The following CCDC192 variants were observed in gnomAD, a reference collection of about 807,000 sequenced individuals.
CCDC192 encodes the protein coiled-coil domain containing 192, also known as coiled-coil domain-containing protein 192.
intron 6 of CCDC192, among the ~76,000 whole-genome samples, chr5:127,883,379 G>C (rs574676880): frequency 6.6e-6 from 1 of 152,308 alleles, no homozygotes; most frequent in Admixed American, 6.5e-5. Context: ...GAGAGCATAG[G>C]AGTGATCAGT....
chr5:127,792,407 G>A (rs1007293097), intron 3 of CCDC192, among the ~76,000 whole-genome samples: 4 of 151,956 alleles, frequency 2.6e-5, no homozygotes, highest in Admixed American at 1.3e-4. Flanking sequence ...CAGTGTAGGG[G>A]TAACCATCCC....
chr5:127,932,268 G>A (rs566603778), intron 6 of CCDC192, among the ~76,000 whole-genome samples: 2 of 151,730 alleles, frequency 1.3e-5, no homozygotes, highest in Admixed American at 6.6e-5. Flanking sequence ...GCAATGGCAC[G>A]ATCTTGGCTC....
At chr5:127,880,320 G>A (rs1232070708) in intron 6 of CCDC192, among the ~76,000 whole-genome samples, 1 of 151,880 alleles carries the variant, frequency 6.6e-6, no homozygotes, top group East Asian at 1.9e-4. Context: ...GATGAAATTG[G>A]AAACCATCAT....
chr5:127,817,932 T>TA (rs1749104499), intron 5 of CCDC192, among the ~76,000 whole-genome samples: 1 of 152,214 alleles, frequency 6.6e-6, no homozygotes, highest in Non-Finnish European at 1.5e-5. Flanking sequence ...GTAAATCTCC[T>TA]AAGCTATGAC....
At chr5:127,767,311 G>C (rs973270151) in intron 3 of CCDC192, among the ~76,000 whole-genome samples, 1 of 152,136 alleles carries the variant, frequency 6.6e-6, no homozygotes, top group African/African-American at 2.4e-5. Context: ...AGATATATAG[G>C]GTTCCCAGAT....
At chr5:127,740,564 T>C (rs1753351293) in intron 2 of CCDC192, among the ~76,000 whole-genome samples, 1 of 152,162 alleles carries the variant, frequency 6.6e-6, no homozygotes, top group Admixed American at 6.5e-5. Context: ...GAAATAGCAT[T>C]GTTGGAATAT....
chr5:127,856,270 C>A (rs1263332804), intron 5 of CCDC192, among the ~76,000 whole-genome samples: 1 of 152,208 alleles, frequency 6.6e-6, no homozygotes, highest in African/African-American at 2.4e-5. Flanking sequence ...TTCCTTAAAC[C>A]TCGTGTATTA....
Position 127,817,835 on chromosome 5 carries a change from A to G in CCDC192, c.411+19673A>G, listed in dbSNP as rs1038403760. On this transcript the variant is annotated intron_variant, in intron 5 of 6. Coordinates refer to ENST00000514853, the MANE Select transcript of CCDC192 (RefSeq NM_001317938.2). ...CAAAGAATCTAAATGCATATCTAGG[A>G]TGAGGGCTGGAAACATGTATTTTTA... 5.3e-5 allele frequency among the ~76,000 whole-genome samples: 8 copies of G among 152,288 alleles called. No homozygotes were observed. The East Asian group carries it at 1.5e-3, about 29-fold the overall frequency.
intron 5 of CCDC192, among the ~76,000 whole-genome samples, chr5:127,831,778 C>G (rs907873404): frequency 1.4e-4 from 22 of 152,078 alleles, no homozygotes; most frequent in Non-Finnish European, 2.2e-4. Flanking sequence ...TCCTGATTAA[C>G]ATATGATCTT....
At chr5:127,845,868 T>A (rs1376070347) in intron 5 of CCDC192, among the ~76,000 whole-genome samples, 1 of 152,238 alleles carries the variant, frequency 6.6e-6, no homozygotes, top group East Asian at 1.9e-4. Context: ...CATAAATTTG[T>A]CCTGAAATTA....
intron 5 of CCDC192, among the ~76,000 whole-genome samples, chr5:127,805,649 A>G (rs1757742207): frequency 6.6e-6 from 1 of 152,196 alleles, no homozygotes; most frequent in Non-Finnish European, 1.5e-5. Context: ...ATTAATCTAA[A>G]TGGAACATTC....
intron 2 of CCDC192, among the ~76,000 whole-genome samples, chr5:127,720,118 C>T (rs2126797212): frequency 6.6e-6 from 1 of 152,166 alleles, no homozygotes; most frequent in East Asian, 1.9e-4. Context: ...AGCATTAACT[C>T]AAAAGTCTAC....
At chr5:127,772,510 C>G (rs1006660742) in intron 3 of CCDC192, among the ~76,000 whole-genome samples, 3 of 151,714 alleles carry the variant, frequency 2.0e-5, no homozygotes, top group Non-Finnish European at 4.4e-5. Context: ...GCTCTACCCT[C>G]CTTTGCTCCA....
At chr5:127,930,550 G>A (rs1753999997) in intron 6 of CCDC192, among the ~76,000 whole-genome samples, 1 of 152,216 alleles carries the variant, frequency 6.6e-6, no homozygotes, top group Non-Finnish European at 1.5e-5. Flanking sequence ...GGAAGTAAGA[G>A]AGATTCCAGA....
intron 5 of CCDC192, among the ~76,000 whole-genome samples, chr5:127,828,066 C>T (rs1214863210): frequency 6.6e-6 from 1 of 152,204 alleles, no homozygotes; most frequent in South Asian, 2.1e-4. Flanking sequence ...GCCACCATGC[C>T]CGGCTAATTT....
At chr5:127,932,028 C>T (rs947963314) in intron 6 of CCDC192, among the ~76,000 whole-genome samples, 21 of 151,410 alleles carry the variant, frequency 1.4e-4, no homozygotes, top group African/African-American at 5.1e-4. Flanking sequence ...GTGGTGCGCA[C>T]CTGTAGTCCC....
At chr5:127,739,226 C>T (rs1457227153) in intron 2 of CCDC192, among the ~76,000 whole-genome samples, 1 of 152,140 alleles carries the variant, frequency 6.6e-6, no homozygotes, top group Non-Finnish European at 1.5e-5. Context: ...GGGGGTGCCT[C>T]CCAGTTAGGC....
chr5:127,854,980 C>A (rs1750998759), intron 5 of CCDC192, among the ~76,000 whole-genome samples: 1 of 152,066 alleles, frequency 6.6e-6, no homozygotes, highest in South Asian at 2.1e-4. Context: ...AATGTATATA[C>A]CTTAATTTAA....
chr5:127,888,232 A>G (rs994590467), intron 6 of CCDC192, among the ~76,000 whole-genome samples: 2 of 151,724 alleles, frequency 1.3e-5, no homozygotes, highest in Admixed American at 6.6e-5. Flanking sequence ...CCTGGCAAAC[A>G]TGGTGAAACC....
Sources: gnomAD v4.1 joint callset for allele counts (sites outside exome capture counted in the v4.1 genomes callset) on GRCh38, gnomAD v4.1.1 for gene constraint, MANE v1.5 for transcripts, NCBI Gene and HGNC (gene_info 2026-07-23, HGNC 2026-07-21) for gene names.